BANK1: variants seen among roughly 807,000 people sequenced by gnomAD.
The protein encoded by BANK1 is B cell scaffold protein with ankyrin repeats 1, also known as B-cell scaffold protein with ankyrin repeats.
In BANK1, 95 loss-of-function variants were observed where a neutral mutation model predicts 94.5. The observed-to-expected ratio is 1.00, with a 90% confidence interval of 0.85 to 1.19. The LOEUF is 1.19. Among genes scored for constraint, BANK1 ranks in the 50% most tolerant of loss-of-function variants. The probability of loss-of-function intolerance (pLI) is 0.00; values close to 1 mark genes in which losing one functional copy is unlikely to be tolerated. For synonymous variants in BANK1, 334 were observed against 308.4 expected, an observed-to-expected ratio of 1.08 and a Z score of -0.87; for missense variants, 987 against 932.2, an observed-to-expected ratio of 1.06 and a Z score of -0.77.
chr4:101,941,674 T>G (rs1723745912), intron 7 of BANK1, among the ~76,000 whole-genome samples: 1 of 151,754 alleles, frequency 6.6e-6, no homozygotes, highest in South Asian at 2.1e-4. Flanking sequence ...GTGAAAAGTC[T>G]GATCTCTTAC....
rs1164357630 is a variant in BANK1 at position 101,986,873 on chromosome 4, ATGTGTGTGTG to A, written c.1207-34623_1207-34614del. On this transcript the variant is annotated intron_variant, in intron 7 of 16. Coordinates refer to ENST00000322953, the MANE Select transcript of BANK1 (RefSeq NM_017935.5). Reference sequence around the variant, plus strand: ...TATATATGTATATATATATGTGTGTATGTGTGTGTGTGTGTGTGTGTGTGTGTATATATAT... The same window carrying A: ...TATATATGTATATATATATGTGTGTATGTGTGTGTGTGTGTGTATATATAT... Among the ~76,000 whole-genome samples, 6 of 46,882 alleles carry A rather than the reference ATGTGTGTGTG, an allele frequency of 1.3e-4. No homozygotes were observed. The East Asian group carries it at 2.1e-3, about 16-fold the overall frequency. The allele number at this position is 46,882 out of a possible 152,430, so 30.8% of individuals were successfully genotyped here. A position where few individuals can be genotyped will look rare whatever the true frequency, so the allele number is the denominator to read the frequency against.
intron 5 of BANK1, among the ~76,000 whole-genome samples, chr4:101,891,765 C>G (rs562920450): frequency 3.9e-5 from 6 of 152,000 alleles, no homozygotes; most frequent in Non-Finnish European, 8.8e-5. Context: ...CTTCATGTCA[C>G]TGTTAAGCCT....
At chr4:102,011,717 T>C (rs1463172469) in intron 7 of BANK1, among the ~76,000 whole-genome samples, 1 of 152,224 alleles carries the variant, frequency 6.6e-6, no homozygotes, top group Non-Finnish European at 1.5e-5. Flanking sequence ...CCAGAAAAGT[T>C]TTCCATTTTA....
chr4:101,905,244 A>T (rs1722410006), intron 6 of BANK1, among the ~76,000 whole-genome samples: 1 of 152,188 alleles, frequency 6.6e-6, no homozygotes, highest in Non-Finnish European at 1.5e-5. Context: ...CCCTGCTGGC[A>T]AGGGTCCACA....
intron 6 of BANK1, among the ~76,000 whole-genome samples, chr4:101,903,599 G>A (rs563311243): frequency 3.4e-4 from 51 of 152,118 alleles, no homozygotes; most frequent in Middle Eastern, 3.2e-3. Context: ...GACTTGCTTT[G>A]CAATTAGTTG....
At chr4:101,871,609 A>G (rs1728290755) in intron 5 of BANK1, among the ~76,000 whole-genome samples, 2 of 152,208 alleles carry the variant, frequency 1.3e-5, no homozygotes, top group South Asian at 4.1e-4. Flanking sequence ...GTGAAATAAC[A>G]TTTGTCAAAA....
rs1009738656 is a variant in BANK1, at chr4:101,925,868, A to T, written c.1206+7679A>T. Among the ~76,000 whole-genome samples, 4 of 151,894 alleles carry T rather than the reference A, an allele frequency of 2.6e-5. No homozygotes were observed. In the East Asian group the frequency reaches 7.8e-4, roughly 30 times the overall value. On this transcript the variant is annotated intron_variant, in intron 7 of 16. Transcript: ENST00000322953. Reference sequence around the variant, plus strand: ...CTTACATGCCTGCTGGTCAAAAGGAAATGCAATTTCAGAGAATGCAAAATT... The same window carrying T: ...CTTACATGCCTGCTGGTCAAAAGGATATGCAATTTCAGAGAATGCAAAATT...
At position 101,825,759 on chromosome 4, in the gene BANK1, G is replaced by A. The variant is rs111397552; in HGVS notation, c.71-4049G>A. On this transcript the variant is annotated intron_variant, in intron 1 of 16. Transcript: ENST00000322953. ...CTGAAATGATTTCATCTGTAGAGAA[G>A]AAAGGAATGATATTTGATGTCAAAT... Among the ~76,000 whole-genome samples the A allele has an allele frequency of 9.5e-3, 1,445 of 152,124 alleles. 24 individuals carry two copies. Among genetic ancestry groups the A allele is most frequent in the African/African-American group, 0.033 (1,377 of 41,538 alleles).
chr4:102,020,011 T>C (rs1453164109), intron 7 of BANK1, among the ~76,000 whole-genome samples: 1 of 152,146 alleles, frequency 6.6e-6, no homozygotes, highest in African/African-American at 2.4e-5. Flanking sequence ...AACAATTCCA[T>C]TAGGTTTCAG....
intron 5 of BANK1, among the ~76,000 whole-genome samples, chr4:101,884,419 G>A (rs1357143663): frequency 6.6e-6 from 1 of 151,946 alleles, no homozygotes; most frequent in Non-Finnish European, 1.5e-5. Flanking sequence ...CTTCTGTGAT[G>A]CTTCCTTCTC....
chr4:101,994,189 GGAACATA>G (rs1454618089), intron 7 of BANK1, among the ~76,000 whole-genome samples: 5 of 152,282 alleles, frequency 3.3e-5, no homozygotes, highest in Non-Finnish European at 5.9e-5. Flanking sequence ...TTTAACAAAA[GGAACATA>G]TCTAAGTTTT....
intron 7 of BANK1, among the ~76,000 whole-genome samples, chr4:101,950,118 G>A (rs763642221): frequency 6.6e-6 from 1 of 151,986 alleles, no homozygotes; most frequent in African/African-American, 2.4e-5. Flanking sequence ...CATTTCTGGT[G>A]CTTCTCAGAT....
At chr4:101,996,105 T>A (rs1260011979) in intron 7 of BANK1, among the ~76,000 whole-genome samples, 1 of 152,216 alleles carries the variant, frequency 6.6e-6, no homozygotes, top group Non-Finnish European at 1.5e-5. Context: ...AATTTTTGTA[T>A]AAGGTGTAAG....
intron 7 of BANK1, among the ~76,000 whole-genome samples, chr4:101,960,591 G>A (rs928580927): frequency 2.6e-5 from 4 of 152,052 alleles, no homozygotes; most frequent in African/African-American, 7.2e-5. Context: ...GCAAGCAGAA[G>A]GAAAGGGAAA....
chr4:101,858,264 T>C (rs1727752669), intron 3 of BANK1, among the ~76,000 whole-genome samples: 1 of 152,184 alleles, frequency 6.6e-6, no homozygotes, highest in South Asian at 2.1e-4. Context: ...AGGGGGTTGC[T>C]ACTAGCATTT....
chr4:101,925,866 G>A (rs766317904), intron 7 of BANK1, among the ~76,000 whole-genome samples: 7 of 151,708 alleles, frequency 4.6e-5, no homozygotes, highest in Non-Finnish European at 5.9e-5. Flanking sequence ...TGGTCAAAAG[G>A]AAATGCAATT....
Position 101,790,954 on chromosome 4 carries a change from G to T in BANK1, c.70+4G>T, listed in dbSNP as rs932638555. ...CCCTGCGGCCCAGCGCCCCCAGGTG[G>T]GTAGTCGCGCATTCGGAGGGGCTTG... is the stretch of plus-strand genomic sequence containing the variant. On this transcript the variant is annotated splice_donor_region_variant and intron_variant, in intron 1 of 16. Coordinates refer to ENST00000322953, the MANE Select transcript of BANK1 (RefSeq NM_017935.5). The T allele has an allele frequency of 2.7e-6, 4 of 1,506,406 alleles. No individual in the cohort carries two copies. Among genetic ancestry groups the T allele is most frequent in the Admixed American group, 2.2e-5 (1 of 46,050 alleles). The allele number at this position is 1,506,406 out of a possible 1,614,324, so 93.3% of individuals were successfully genotyped here.
At chr4:101,953,080 C>T (rs776584081) in intron 7 of BANK1, among the ~76,000 whole-genome samples, 3 of 151,878 alleles carry the variant, frequency 2.0e-5, no homozygotes, top group Non-Finnish European at 4.4e-5. Context: ...AGGGTAGAGG[C>T]GAGTCAAGGT....
intron 7 of BANK1, among the ~76,000 whole-genome samples, chr4:101,953,034 G>C (rs548350286): frequency 7.2e-5 from 11 of 152,180 alleles, no homozygotes; most frequent in African/African-American, 2.6e-4. Flanking sequence ...CACCAATAGA[G>C]GACACCCTAC....
Sources: allele counts gnomAD v4.1 joint callset (sites outside exome capture counted in the v4.1 genomes callset), GRCh38; gene constraint gnomAD v4.1.1; transcripts MANE v1.5; gene names NCBI Gene and HGNC (gene_info 2026-07-23, HGNC 2026-07-21).